RSU1: variants seen among roughly 807,000 people sequenced by gnomAD.
RSU1 encodes the protein rsu-1.
A neutral mutation model predicts 31.1 loss-of-function variants in RSU1; 26 were observed. The observed-to-expected ratio is 0.84, with a 90% CI of 0.61 to 1.16. The LOEUF is 1.16. Among genes scored for constraint, RSU1 ranks in the 50% most tolerant of loss-of-function variants. The pLI is 0.00. For synonymous variants in RSU1, 164 were observed against 136.3 expected, an observed-to-expected ratio of 1.20 and a Z score of -1.41; for missense variants, 320 against 339.1, an observed-to-expected ratio of 0.94 and a Z score of 0.44.
chr10:16,747,478 G>A (rs562678420), intron 7 of RSU1, among the ~76,000 whole-genome samples: 11 of 150,144 alleles, frequency 7.3e-5, no homozygotes, highest in Admixed American at 2.7e-4. Flanking sequence ...CCTTCCAGTT[G>A]CTTAGACCAA....
chr10:16,705,671 G>C (rs1166441242), intron 7 of RSU1, among the ~76,000 whole-genome samples: 1 of 152,058 alleles, frequency 6.6e-6, no homozygotes, highest in Non-Finnish European at 1.5e-5. Flanking sequence ...GTATTTTTTA[G>C]TAGAGATGGG....
intron 7 of RSU1, among the ~76,000 whole-genome samples, 182 bp downstream of exon 7, chr10:16,752,357 G>A (rs1005685859): frequency 1.3e-5 from 2 of 152,118 alleles, no homozygotes; most frequent in Non-Finnish European, 2.9e-5. Flanking sequence ...CACAGGATCC[G>A]GGAAGGTCAA....
Position 16,806,296 on chromosome 10 carries a change from C to T in RSU1, c.109+10677G>A, listed in dbSNP as rs115527356. On this transcript the variant is annotated intron_variant, in intron 2 of 8. Coordinates refer to ENST00000345264, the MANE Select transcript of RSU1 (RefSeq NM_012425.4). ...GGTGGCCACAGGCACTCAGCATGCT[C>T]GCTGAATTAGCCGTTATCTTCATCT... Among the ~76,000 whole-genome samples, 15 of 152,238 alleles carry T rather than the reference C, an allele frequency of 9.9e-5. No individual in the cohort carries two copies. In the East Asian group the frequency reaches 2.7e-3, roughly 27 times the overall value.
chr10:16,709,500 G>A (rs1271297139), intron 7 of RSU1, among the ~76,000 whole-genome samples: 1 of 152,026 alleles, frequency 6.6e-6, no homozygotes, highest in Non-Finnish European at 1.5e-5. Context: ...TAGTCCTTTG[G>A]GTATATACCC....
chr10:16,607,396 G>T (rs1027027615), intron 8 of RSU1, among the ~76,000 whole-genome samples: 1 of 152,172 alleles, frequency 6.6e-6, no homozygotes, highest in South Asian at 2.1e-4. Context: ...TGGAAAGCTG[G>T]ACATCACGTT....
chr10:16,629,080 G>A (rs965574064), intron 8 of RSU1, among the ~76,000 whole-genome samples: 1 of 152,110 alleles, frequency 6.6e-6, no homozygotes. Context: ...CTGTGTTCCT[G>A]TGTCTATCAG....
At chr10:16,718,334 T>C (rs1836186518) in intron 7 of RSU1, among the ~76,000 whole-genome samples, 1 of 152,184 alleles carries the variant, frequency 6.6e-6, no homozygotes, top group Non-Finnish European at 1.5e-5. Context: ...TTATACTCAG[T>C]AGCAAGAATC....
At chr10:16,814,540 C>G (rs953042596) in intron 2 of RSU1, among the ~76,000 whole-genome samples, 3 of 151,692 alleles carry the variant, frequency 2.0e-5, no homozygotes, top group Non-Finnish European at 2.9e-5. Flanking sequence ...ATATTAAGCA[C>G]TGTGTCAGTG....
At chr10:16,668,952 T>C (rs1057050802) in intron 8 of RSU1, among the ~76,000 whole-genome samples, 2 of 151,624 alleles carry the variant, frequency 1.3e-5, no homozygotes, top group African/African-American at 4.9e-5. Flanking sequence ...CAGATAATCT[T>C]ATATATAGTT....
Position 16,757,102 on chromosome 10 carries a change from T to C in RSU1, c.282-2113A>G, listed in dbSNP as rs868593128. Among the ~76,000 whole-genome samples the C allele has an allele frequency of 2.4e-4, 36 of 149,806 alleles. No homozygotes were observed. In the Middle Eastern group the frequency reaches 0.014, roughly 59 times the overall value. On this transcript the variant is annotated intron_variant, in intron 4 of 8. Coordinates refer to ENST00000345264, the MANE Select transcript of RSU1 (RefSeq NM_012425.4). ...GTGCTGTGGGTGTGGTGCGTGTGGG[T>C]ATGTGTGGGTGTGCGTGTGTGTGTG...
At chr10:16,753,932 A>T (rs953963477) in intron 5 of RSU1, among the ~76,000 whole-genome samples, 1 of 152,036 alleles carries the variant, frequency 6.6e-6, no homozygotes, top group Non-Finnish European at 1.5e-5. Flanking sequence ...TACTTTTTAA[A>T]TTTTTATTTC....
intron 8 of RSU1, among the ~76,000 whole-genome samples, chr10:16,643,891 AT>A (rs35164780): frequency 0.32 from 47,908 of 150,318 alleles, 8,152 homozygotes; most frequent in African/African-American, 0.44. Context: ...ACAAGTGAAG[AT>A]TTTTTTTTTT....
At chr10:16,659,301 C>CTTTTTTTTTTTTTTTTTTTTTTATTT (rs1834845319) in intron 8 of RSU1, among the ~76,000 whole-genome samples, 1 of 100,786 alleles carries the variant, frequency 9.9e-6, no homozygotes, top group Non-Finnish European at 2.1e-5. Context: ...AGGTTATATT[C>CTTTTTTTTTTTTTTTTTTTTTTATTT]TTTTTTTTTT....
intron 2 of RSU1, among the ~76,000 whole-genome samples, chr10:16,791,008 G>T (rs544060309): frequency 1.3e-3 from 203 of 152,214 alleles, no homozygotes; most frequent in African/African-American, 4.6e-3. Flanking sequence ...TACTAATACA[G>T]GATATAACAT....
intron 8 of RSU1, among the ~76,000 whole-genome samples, chr10:16,597,224 C>T (rs1833631215): frequency 6.6e-6 from 1 of 152,200 alleles, no homozygotes; most frequent in African/African-American, 2.4e-5. Flanking sequence ...GGGTGTTCAG[C>T]TTGGCCCTGA....
In RSU1 at chr10:16,590,614, G is replaced by GA. The variant is rs1833489878; in HGVS notation, c.*2779dup. 6.6e-6 allele frequency: 1 copy of GA among 152,094 alleles called. No homozygotes were observed. The highest frequency in any genetic ancestry group is 1.5e-5 in the Non-Finnish European group (1 of 68,018). 9.4% of individuals were successfully genotyped at this position (152,094 alleles called of 1,614,324 possible). A position where few individuals can be genotyped will look rare whatever the true frequency, so the allele number is the denominator to read the frequency against. On this transcript the variant is annotated 3_prime_UTR_variant, in exon 9 of 9. Transcript: ENST00000345264. ...ATAATATACCATGACATACCAATTT[G>GA]ATTTTGAAAAATACATGCATTTAAT...
intron 3 of RSU1, among the ~76,000 whole-genome samples, chr10:16,775,514 G>T (rs1357955318): frequency 6.6e-6 from 1 of 152,072 alleles, no homozygotes; most frequent in African/African-American, 2.4e-5. Flanking sequence ...ACAACAAAAG[G>T]AATGGGGGTG....
At chr10:16,630,121 G>T (rs931515858) in intron 8 of RSU1, among the ~76,000 whole-genome samples, 3 of 151,710 alleles carry the variant, frequency 2.0e-5, no homozygotes, top group African/African-American at 7.3e-5. Flanking sequence ...GCTCAGGCTG[G>T]TCTCAAACTC....
At position 16,764,472 on chromosome 10, in the gene RSU1, C is replaced by T; in HGVS notation, c.199G>A (p.Val67Met). ...ATTTGGTTATTAAAAAAGTTGAGCA[C>T]CTCCAAATTCTTCAGTTCTGCGATG... ...PNIAELKNLE[V>M]LNFFNNQIEE... The change falls in exon 4 of 9, where the codon GTG becomes ATG. Residue 67 changes from valine (V) to methionine (M), a missense_variant. Physicochemically the swap from Val to Met is conservative, Grantham distance 21. Transcript: ENST00000345264. The T allele has an allele frequency of 1.9e-6, 3 of 1,613,946 alleles. No homozygotes were observed. The highest frequency in any genetic ancestry group is 2.2e-5 in the East Asian group (1 of 44,872).
Sources: allele counts gnomAD v4.1 joint callset (sites outside exome capture counted in the v4.1 genomes callset), GRCh38; gene constraint gnomAD v4.1.1; transcripts MANE v1.5; gene names NCBI Gene and HGNC (gene_info 2026-07-23, HGNC 2026-07-21).